Variants in NPTN observed in about 807,000 individuals in gnomAD.
The protein encoded by NPTN is SDR-1.
In NPTN, 5 loss-of-function variants were observed where a neutral mutation model predicts 42.7. The ratio of observed to expected loss-of-function variants is 0.12; its 90% CI spans 0.06 to 0.25. NPTN has a LOEUF of 0.25. Among genes scored for constraint, NPTN ranks in the 10% least tolerant of loss-of-function variants. The probability of loss-of-function intolerance (pLI) is 1.00; values close to 1 mark genes in which losing one functional copy is unlikely to be tolerated. For synonymous variants in NPTN, 180 were observed against 201.9 expected (o/e 0.89, Z 0.92); for missense variants, 307 against 525.4 (o/e 0.58, Z 4.06).
rs1895525835 is a variant in NPTN at position 73,573,553 on chromosome 15, C to T, written c.840+109G>A. On this transcript the variant is annotated intron_variant, in intron 5 of 8. Coordinates refer to ENST00000345330, the MANE Select transcript of NPTN (RefSeq NM_012428.4). Reference sequence around the variant, plus strand: ...CCGTGACTCTAGAAAGGGTGACCCTCGCCATGCACACATCCGAGGATACAG... The same window carrying T: ...CCGTGACTCTAGAAAGGGTGACCCTTGCCATGCACACATCCGAGGATACAG... The T allele has an allele frequency of 4.7e-6, 6 of 1,265,266 alleles. 1 individual carries two copies. In the East Asian group the frequency reaches 8.1e-5, roughly 17 times the overall value. 78.4% of individuals were successfully genotyped at this position (1,265,266 alleles called of 1,614,324 possible). A position where few individuals can be genotyped will look rare whatever the true frequency, so the allele number is the denominator to read the frequency against.
intron 1 of NPTN, among the ~76,000 whole-genome samples, chr15:73,629,147 T>C (rs77730992): frequency 2.8e-3 from 422 of 152,298 alleles, no homozygotes; most frequent in African/African-American, 9.6e-3. Flanking sequence ...ACATGGCCTA[T>C]CCTCCCAGAC....
At position 73,597,101 on chromosome 15, in the gene NPTN, G is replaced by T. The variant is rs1277120114; in HGVS notation, c.360C>A (p.Asn120Lys). The part of the protein sequence containing the change: ...DSGTYECRAS[N>K]DPKRNDLRQN... ...GCCTCAAGTCATTCCTCTTGGGGTC[G>T]TTGCTGGCCCTGCACTCGTAAGTCC... Residue 120 changes from asparagine (N) to lysine (K), a missense_variant, in exon 2 of 9, where the codon AAC (asparagine) becomes AAA (lysine). Transcript: ENST00000345330. This position sits in a 1 kb window ranked among gnomAD's most constrained non-coding sequence, Gnocchi z 6.3. 1 of 1,614,010 alleles carries T rather than the reference G, an allele frequency of 6.2e-7. No individual in the cohort carries two copies. The highest frequency in any genetic ancestry group is 8.5e-7 in the Non-Finnish European group (1 of 1,180,016).
intron 7 of NPTN, among the ~76,000 whole-genome samples, 158 bp from the exon 8 acceptor site, chr15:73,562,128 T>C (rs1894712998): frequency 6.6e-6 from 1 of 152,204 alleles, no homozygotes; most frequent in African/African-American, 2.4e-5. Context: ...ATTCCTTAAG[T>C]AGCTACAGGT....
chr15:73,627,643 TA>T (rs1281658715), intron 1 of NPTN, among the ~76,000 whole-genome samples: 1 of 152,168 alleles, frequency 6.6e-6, no homozygotes, highest in Non-Finnish European at 1.5e-5. Context: ...AATCTCAAAT[TA>T]ATAAGAGTTG....
rs1164023098 is a variant in NPTN, at chr15:73,580,421, AAT to A, written c.707-6628_707-6627del. ...TATATTATATATATAATATATATAT[AAT>A]ATATATATAATATATATAATATATA... On this transcript the variant is annotated intron_variant, in intron 4 of 8. Transcript: ENST00000345330. 2.2e-3 allele frequency among the ~76,000 whole-genome samples: 241 copies of A among 107,284 alleles called. 1 individual carries two copies. Among genetic ancestry groups the A allele is most frequent in the Middle Eastern group, 4.2e-3 (1 of 240 alleles). The allele number at this position is 107,284 out of a possible 152,430, so 70.4% of individuals were successfully genotyped here.
intron 3 of NPTN, among the ~76,000 whole-genome samples, chr15:73,590,434 T>C (rs996336743): frequency 3.3e-5 from 5 of 152,028 alleles, no homozygotes; most frequent in Non-Finnish European, 7.4e-5. Context: ...GAAACATGAT[T>C]GGATGTCTGC....
intron 2 of NPTN, among the ~76,000 whole-genome samples, chr15:73,595,929 G>C (rs926802598): frequency 2.0e-5 from 3 of 152,206 alleles, no homozygotes; most frequent in Non-Finnish European, 4.4e-5. Flanking sequence ...AGAGGATTCT[G>C]AGCCAGCTGG....
chr15:73,629,297 T>C (rs1030698943), intron 1 of NPTN, among the ~76,000 whole-genome samples: 10 of 152,212 alleles, frequency 6.6e-5, no homozygotes, highest in African/African-American at 2.4e-4. Context: ...CAAATCTTAT[T>C]TGGATTATTT....
intron 1 of NPTN, among the ~76,000 whole-genome samples, chr15:73,626,489 G>T (rs1898417984): frequency 6.6e-6 from 1 of 152,122 alleles, no homozygotes; most frequent in African/African-American, 2.4e-5. Flanking sequence ...AGCTATAAGG[G>T]CAAGATATTT....
chr15:73,575,386 G>A (rs2141368123), intron 4 of NPTN, among the ~76,000 whole-genome samples: 1 of 152,346 alleles, frequency 6.6e-6, no homozygotes, highest in East Asian at 1.9e-4. Context: ...CAAAGTGTTG[G>A]GATTACAGGC....
At chr15:73,563,481 A>G (rs1259514042) in intron 6 of NPTN, 1 of 1,361,158 alleles carries the variant, frequency 7.3e-7, no homozygotes, top group Non-Finnish European at 9.4e-7. Context: ...CAATGGTTTT[A>G]GTTAACACTT....
chr15:73,599,532 T>C (rs1435113983), intron 1 of NPTN: 1 of 151,932 alleles, frequency 6.6e-6, no homozygotes, highest in Non-Finnish European at 1.5e-5. Context: ...AAGAATCACT[T>C]GAACCCAGGA....
intron 1 of NPTN, among the ~76,000 whole-genome samples, chr15:73,621,540 T>A (rs1898136506): frequency 6.6e-6 from 1 of 152,158 alleles, no homozygotes; most frequent in Non-Finnish European, 1.5e-5. Context: ...TGTAATTTAA[T>A]CCCATAAAAC....
Position 73,608,666 on chromosome 15 carries a change from TCTGA to T in NPTN, c.92-11301_92-11298del, listed in dbSNP as rs377131238. On this transcript the variant is annotated intron_variant, in intron 1 of 8. Coordinates refer to ENST00000345330, the MANE Select transcript of NPTN (RefSeq NM_012428.4). ...TCCATAGAACAAGGGGTATGACTGC[TCTGA>T]CTGGTGGCAGTACAATGGCTGTCAG... Among the ~76,000 whole-genome samples the T allele has an allele frequency of 3.8e-3, 575 of 152,222 alleles. 9 individuals are homozygous for T. Among genetic ancestry groups the T allele is most frequent in the East Asian group, 0.033 (172 of 5,196 alleles).
At chr15:73,588,741 C>T (rs1225161620) in intron 3 of NPTN, among the ~76,000 whole-genome samples, 1 of 152,192 alleles carries the variant, frequency 6.6e-6, no homozygotes, top group Non-Finnish European at 1.5e-5. Context: ...TAAATGTCAT[C>T]CCCTTCCACA....
chr15:73,621,879 C>T (rs974419958), intron 1 of NPTN, among the ~76,000 whole-genome samples: 3 of 152,164 alleles, frequency 2.0e-5, no homozygotes, highest in Non-Finnish European at 2.9e-5. Flanking sequence ...TTCGAGTCCT[C>T]TTATTCTTAT....
Position 73,632,797 on chromosome 15 carries a change from TC to T in NPTN, c.91+327del, listed in dbSNP as rs201265312. ...CCCTAAGAGCTGCGCCCCCTCCTCA[TC>T]CGCCCCCGCTACTCCAGCTCCCCAC... On this transcript the variant is annotated intron_variant, in intron 1 of 8. Transcript: ENST00000345330. 6.2e-3 allele frequency: 1,702 copies of T among 273,710 alleles called. 31 individuals carry two copies. Among genetic ancestry groups the T allele is most frequent in the African/African-American group, 0.035 (1,565 of 45,304 alleles). The allele number at this position is 273,710 out of a possible 1,614,324, so 17.0% of individuals were successfully genotyped here.
At chr15:73,594,347 T>G (rs1472831960) in intron 2 of NPTN, among the ~76,000 whole-genome samples, 1 of 152,188 alleles carries the variant, frequency 6.6e-6, no homozygotes, top group African/African-American at 2.4e-5. Context: ...GATTAAGAAG[T>G]TGATGAAAGC....
chr15:73,576,020 C>T (rs868571322), intron 4 of NPTN, among the ~76,000 whole-genome samples: 13 of 152,216 alleles, frequency 8.5e-5, no homozygotes, highest in Admixed American at 3.3e-4. Flanking sequence ...CCCACAGCTA[C>T]TCAGTCACTT....
Sources: allele counts gnomAD v4.1 joint callset (sites outside exome capture counted in the v4.1 genomes callset), GRCh38; gene constraint gnomAD v4.1.1; non-coding constraint Gnocchi (gnomAD v3.1); transcripts MANE v1.5; gene names NCBI Gene and HGNC (gene_info 2026-07-23, HGNC 2026-07-21).